CTIF: variants seen among roughly 807,000 people sequenced by gnomAD.
CTIF encodes the protein CBP80/20-dependent translation initiation factor.
A neutral mutation model predicts 66.0 loss-of-function variants in CTIF; 21 were observed. That is an observed-to-expected ratio of 0.32 (90% CI 0.23 to 0.46). CTIF has a LOEUF of 0.46. Among genes scored for constraint, CTIF ranks in the 20% least tolerant of loss-of-function variants. The pLI, the probability that CTIF is intolerant of heterozygous loss-of-function variation, is 1.00. For missense variants in CTIF, 739 were observed against 812.7 expected (o/e 0.91, Z 1.10); for synonymous variants, 345 against 326.4 (o/e 1.06, Z -0.62).
At chr18:48,560,063 G>A (rs960521523) in intron 1 of CTIF, among the ~76,000 whole-genome samples, 4 of 151,820 alleles carry the variant, frequency 2.6e-5, no homozygotes, top group Non-Finnish European at 2.9e-5. Flanking sequence ...AAGGAGAGAC[G>A]GCTAATTTCT....
At chr18:48,687,806 C>G (rs555532842) in intron 6 of CTIF, among the ~76,000 whole-genome samples, 1 of 152,324 alleles carries the variant, frequency 6.6e-6, no homozygotes, top group East Asian at 1.9e-4. Context: ...CAGGTAGTTG[C>G]TGGCACCTCT....
chr18:48,624,091 C>T (rs1446911935), intron 2 of CTIF, among the ~76,000 whole-genome samples: 1 of 143,248 alleles, frequency 7.0e-6, no homozygotes, highest in Non-Finnish European at 1.5e-5. Context: ...ACACCACGCC[C>T]CTCCCCATGC....
At chr18:48,633,384 G>A (rs1293501328) in intron 2 of CTIF, among the ~76,000 whole-genome samples, 1 of 152,152 alleles carries the variant, frequency 6.6e-6, no homozygotes, top group African/African-American at 2.4e-5. Context: ...ATATACATAT[G>A]TTTATGTGTA....
At chr18:48,741,255 A>C (rs1452798601) in intron 7 of CTIF, among the ~76,000 whole-genome samples, 3 of 146,944 alleles carry the variant, frequency 2.0e-5, no homozygotes, top group Non-Finnish European at 4.5e-5. Context: ...CTCTCCAGCC[A>C]GGGTCTGCTC....
At chr18:48,846,066 T>A (rs2069064989) in intron 10 of CTIF, among the ~76,000 whole-genome samples, 2 of 152,250 alleles carry the variant, frequency 1.3e-5, no homozygotes, top group South Asian at 4.1e-4. Flanking sequence ...CAGTTTAAAA[T>A]CTTTCAGTGG....
intron 5 of CTIF, chr18:48,670,467 C>G: frequency 2.0e-6 from 1 of 510,008 alleles, no homozygotes; most frequent in South Asian, 2.1e-5. Context: ...TCCAGGTTGG[C>G]TGTTGCATTA....
chr18:48,600,741 C>G lies in CTIF; in HGVS notation c.-28-18797C>G, dbSNP rs118066785. Reference sequence around the variant, plus strand: ...GAATGCTGGGGTTTTTCCTGGCAGTCTCTCCATCCCCTCTCCTGAATAGTG... The same window carrying G: ...GAATGCTGGGGTTTTTCCTGGCAGTGTCTCCATCCCCTCTCCTGAATAGTG... On this transcript the variant is annotated intron_variant, in intron 1 of 11. Transcript: ENST00000256413. 3.2e-4 allele frequency among the ~76,000 whole-genome samples: 49 copies of G among 152,144 alleles called. No homozygotes were observed. The East Asian group carries it at 9.5e-3, about 29-fold the overall frequency.
In CTIF at chr18:48,670,693, T is replaced by A; in HGVS notation, c.456T>A (p.Asp152Glu). 6.2e-7 allele frequency: 1 copy of A among 1,614,060 alleles called. No homozygotes were observed. Among genetic ancestry groups the A allele is most frequent in the East Asian group, 2.2e-5 (1 of 44,880 alleles). Residue 152 changes from aspartate (D) to glutamate (E), a missense_variant, in exon 6 of 12, where the codon GAT becomes GAA. This residue lies in a region of CTIF where 529 missense variants were observed against 520.3 expected (regional missense o/e 1.02). Transcript: ENST00000256413. ...REGCGKGKLE[D>E]GDGINLNDIE... ...GGTGTGGCAAAGGGAAGCTGGAAGATGGGGATGGCATCAACCTGAATGACA... is the reference window on the plus strand; with the variant it reads ...GGTGTGGCAAAGGGAAGCTGGAAGAAGGGGATGGCATCAACCTGAATGACA...
chr18:48,781,211 G>A (rs1253940390), intron 9 of CTIF, among the ~76,000 whole-genome samples: 1 of 152,234 alleles, frequency 6.6e-6, no homozygotes, highest in Non-Finnish European at 1.5e-5. Context: ...GCCCCTGTCT[G>A]TCCCTGCAAA....
At chr18:48,763,236 C>T (rs964170516) in intron 9 of CTIF, among the ~76,000 whole-genome samples, 2 of 152,220 alleles carry the variant, frequency 1.3e-5, no homozygotes, top group African/African-American at 4.8e-5. Context: ...ACAGTGGTTG[C>T]CAGCTCCAAG....
In CTIF at chr18:48,677,224, C is replaced by G. The variant is rs537857965; in HGVS notation, c.507+6480C>G. 4.6e-5 allele frequency among the ~76,000 whole-genome samples: 7 copies of G among 152,310 alleles called. No individual in the cohort carries two copies. In the East Asian group the frequency reaches 1.4e-3, roughly 30 times the overall value. On this transcript the variant is annotated intron_variant, in intron 6 of 11. Coordinates refer to ENST00000256413, the MANE Select transcript of CTIF (RefSeq NM_014772.3). ...CAGAGTCCTGAAAACCATGCCCCAC[C>G]TCGCCTCCCCAGGCCCTGTGCACCG... is the stretch of plus-strand genomic sequence containing the variant.
intron 7 of CTIF, among the ~76,000 whole-genome samples, chr18:48,716,665 G>A (rs1394642811): frequency 1.3e-5 from 2 of 152,118 alleles, no homozygotes; most frequent in African/African-American, 4.8e-5. Context: ...AGCCACTGGA[G>A]CCTGCCAGCT....
chr18:48,803,294 C>T (rs2068081982), intron 9 of CTIF, among the ~76,000 whole-genome samples: 1 of 152,218 alleles, frequency 6.6e-6, no homozygotes, highest in Non-Finnish European at 1.5e-5. Flanking sequence ...AAAGCATTTC[C>T]AGCCACAGTG....
At chr18:48,665,341 G>T (rs893057951) in intron 5 of CTIF, among the ~76,000 whole-genome samples, 4 of 152,204 alleles carry the variant, frequency 2.6e-5, no homozygotes, top group Non-Finnish European at 5.9e-5. Context: ...ACTTTGTGTG[G>T]CAGGGTTGCC....
At chr18:48,734,439 G>A (rs1381887321) in intron 7 of CTIF, among the ~76,000 whole-genome samples, 1 of 152,186 alleles carries the variant, frequency 6.6e-6, no homozygotes, top group African/African-American at 2.4e-5. Flanking sequence ...GGTGGCACAG[G>A]CATGTAGTCC....
intron 1 of CTIF, among the ~76,000 whole-genome samples, chr18:48,559,372 A>G (rs2089099725): frequency 6.6e-6 from 1 of 152,132 alleles, no homozygotes; most frequent in Non-Finnish European, 1.5e-5. Flanking sequence ...CCCAATCCTA[A>G]CAAACAAAAG....
chr18:48,768,653 T>C (rs1909812999), intron 9 of CTIF, among the ~76,000 whole-genome samples: 1 of 152,194 alleles, frequency 6.6e-6, no homozygotes, highest in Admixed American at 6.5e-5. Context: ...CTCATGCCTG[T>C]AATCCCAGCA....
chr18:48,676,099 C>T (rs1568125889), intron 6 of CTIF, among the ~76,000 whole-genome samples: 9 of 152,062 alleles, frequency 5.9e-5, no homozygotes, highest in South Asian at 2.1e-4. Context: ...GAAGTCGGCG[C>T]GACCAGTGTG....
At chr18:48,766,951 G>T (rs1909626800) in intron 9 of CTIF, among the ~76,000 whole-genome samples, 1 of 70,946 alleles carries the variant, frequency 1.4e-5, no homozygotes, top group Non-Finnish European at 3.5e-5. Context: ...CCTGGGATGT[G>T]TGTCGGAACA....
Sources: gnomAD v4.1 joint callset for allele counts (sites outside exome capture counted in the v4.1 genomes callset) on GRCh38, gnomAD v4.1.1 for gene constraint, gnomAD v4.1.1 regional missense constraint, MANE v1.5 for transcripts, NCBI Gene and HGNC (gene_info 2026-07-23, HGNC 2026-07-21) for gene names.